Variants in TPTE2 observed in about 807,000 individuals in gnomAD.
TPTE2 encodes the protein phosphatidylinositol 3,4,5-trisphosphate 3-phosphatase TPTE2.
A neutral mutation model predicts 78.6 loss-of-function variants in TPTE2; 53 were observed. That is an observed-to-expected ratio of 0.67 (90% confidence interval 0.54 to 0.85). The LOEUF (loss-of-function observed/expected upper bound fraction) is 0.85, where lower values mean the gene tolerates loss of function less well. TPTE2 is among the 40% of genes least tolerant of loss of function. The pLI is 0.00. For synonymous variants in TPTE2, 175 were observed against 206.2 expected, an observed-to-expected ratio of 0.85 and a Z score of 1.30; for missense variants, 461 against 623.0, an observed-to-expected ratio of 0.74 and a Z score of 2.77.
At chr13:19,512,386 A>C (rs190013738) in intron 1 of TPTE2, among the ~76,000 whole-genome samples, 1 of 152,352 alleles carries the variant, frequency 6.6e-6, no homozygotes, top group African/African-American at 2.4e-5. Flanking sequence ...ATCTAAAAGT[A>C]GCTGTTAGAC....
intron 1 of TPTE2, among the ~76,000 whole-genome samples, chr13:19,511,537 A>G (rs1197005867): frequency 1.3e-5 from 2 of 152,160 alleles, no homozygotes; most frequent in Non-Finnish European, 2.9e-5. Flanking sequence ...GCCAATGGCA[A>G]TGAGCATACC....
rs182364234 is a variant in TPTE2, at chr13:19,467,054, A to C, written c.512+171T>G. Among the ~76,000 whole-genome samples, 457 of 152,106 alleles carry C rather than the reference A, an allele frequency of 3.0e-3. 3 individuals are homozygous for C. The highest frequency in any genetic ancestry group is 9.0e-3 in the African/African-American group (373 of 41,564). On this transcript the variant is annotated intron_variant, in intron 7 of 19. Coordinates refer to ENST00000400230, the Ensembl canonical transcript of TPTE2. ...TTCTTCACTGGTCCCTAAATATCAC[A>C]ATCTTTTAGTTTCAAAGTATGTGGG...
At chr13:19,448,016 G>GA (rs1488462235) in intron 13 of TPTE2, among the ~76,000 whole-genome samples, 10 of 152,096 alleles carry the variant, frequency 6.6e-5, no homozygotes, top group East Asian at 1.9e-4. Context: ...AGACAGCCCA[G>GA]AAAAAATCCA....
Position 19,482,370 on chromosome 13 carries a change from C to T in TPTE2, c.179+118G>A, listed in dbSNP as rs527960738. ...AAATACGGTGTACCCTCCCACCATA[C>T]ATTTTGATATCTTTCCATAGTTTCC... is the stretch of plus-strand genomic sequence containing the variant. On this transcript the variant is annotated intron_variant, in intron 4 of 19. Coordinates refer to ENST00000400230, the Ensembl canonical transcript of TPTE2. The T allele has an allele frequency of 6.3e-5, 74 of 1,176,480 alleles. 1 individual carries two copies. Among genetic ancestry groups the T allele is most frequent in the East Asian group, 1.3e-4 (5 of 37,864 alleles). 72.9% of individuals were successfully genotyped at this position (1,176,480 alleles called of 1,614,324 possible). A position where few individuals can be genotyped will look rare whatever the true frequency, so the allele number is the denominator to read the frequency against.
chr13:19,493,880 C>T (rs1950430746), intron 1 of TPTE2, among the ~76,000 whole-genome samples: 4 of 152,158 alleles, frequency 2.6e-5, no homozygotes, highest in Non-Finnish European at 5.9e-5. Context: ...CTTACATTCA[C>T]CCAGCATGGT....
intron 13 of TPTE2, among the ~76,000 whole-genome samples, chr13:19,448,798 T>C (rs369158994): frequency 6.6e-6 from 1 of 151,236 alleles, no homozygotes; most frequent in Non-Finnish European, 1.5e-5. Flanking sequence ...GATTTGGAGA[T>C]TCCACTTCTG....
chr13:19,546,261 A>G, the TPTE2 span, among the ~76,000 whole-genome samples: 201 of 152,150 alleles, frequency 1.3e-3, 2 homozygotes, highest in Non-Finnish European at 2.4e-3. Context: ...CCCAGCCCCT[A>G]TTGGGTTAGG....
At chr13:19,544,855 T>C in the TPTE2 span, among the ~76,000 whole-genome samples, 2 of 151,816 alleles carry the variant, frequency 1.3e-5, no homozygotes, top group Admixed American at 6.6e-5. Context: ...TAAACTGTGA[T>C]TGTGCTACTG....
the TPTE2 span, among the ~76,000 whole-genome samples, chr13:19,546,072 T>C: frequency 6.6e-6 from 1 of 152,104 alleles, no homozygotes; most frequent in Non-Finnish European, 1.5e-5. Flanking sequence ...CATGCACCTG[T>C]AGTCTTAGTA....
At chr13:19,500,995 T>C in intron 1 of TPTE2, among the ~76,000 whole-genome samples, 1 of 123,804 alleles carries the variant, frequency 8.1e-6, no homozygotes, top group Non-Finnish European at 1.7e-5. Context: ...CAAGCATTCT[T>C]ATACACCAAC....
chr13:19,485,329 T>C (rs992398507), intron 3 of TPTE2, among the ~76,000 whole-genome samples: 1 of 152,142 alleles, frequency 6.6e-6, no homozygotes, highest in Non-Finnish European at 1.5e-5. Flanking sequence ...CTGGGTATAA[T>C]ATTCTCAGCT....
intron 17 of TPTE2, among the ~76,000 whole-genome samples, chr13:19,427,459 T>C (rs1876217225): frequency 6.6e-6 from 1 of 152,200 alleles, no homozygotes; most frequent in South Asian, 2.1e-4. Flanking sequence ...TTAAATATTA[T>C]TATTTAATGT....
chr13:19,459,069 C>G (rs1367576623), intron 10 of TPTE2, among the ~76,000 whole-genome samples: 3 of 152,148 alleles, frequency 2.0e-5, no homozygotes, highest in Non-Finnish European at 4.4e-5. Context: ...TCTCCACAAC[C>G]TTCCCAGCAT....
intron 10 of TPTE2, among the ~76,000 whole-genome samples, chr13:19,454,787 T>C (rs1878437711): frequency 1.3e-5 from 2 of 152,226 alleles, no homozygotes; most frequent in African/African-American, 4.8e-5. Context: ...TTTGGCTTTT[T>C]AAAAACACCC....
At chr13:19,502,034 A>G (rs1868599754) in intron 1 of TPTE2, among the ~76,000 whole-genome samples, 1 of 121,232 alleles carries the variant, frequency 8.2e-6, no homozygotes, top group Non-Finnish European at 1.7e-5. Context: ...GCAGCCAAAA[A>G]ACACATGAAA....
exon 3 of TPTE2, chr13:19,492,860 T>C (rs1160973072): frequency 1.2e-6 from 2 of 1,613,940 alleles, no homozygotes; most frequent in Non-Finnish European, 1.7e-6. Context: ...CTTTTACTGA[T>C]AGGTGACACC....
At chr13:19,521,948 T>C (rs561296786) in intron 1 of TPTE2, among the ~76,000 whole-genome samples, 1 of 152,328 alleles carries the variant, frequency 6.6e-6, no homozygotes, top group East Asian at 1.9e-4. Context: ...AGTTACTACC[T>C]AGTATTCTTT....
intron 1 of TPTE2, among the ~76,000 whole-genome samples, chr13:19,518,734 T>C (rs1869958484): frequency 6.6e-6 from 1 of 152,178 alleles, no homozygotes; most frequent in Non-Finnish European, 1.5e-5. Flanking sequence ...CTCCAACATG[T>C]AGAGAACTTG....
chr13:19,511,679 G>C (rs1296884211), intron 1 of TPTE2, among the ~76,000 whole-genome samples: 2 of 152,122 alleles, frequency 1.3e-5, no homozygotes, highest in Admixed American at 6.5e-5. Context: ...CTTTTAGGGG[G>C]TCCCACTGGC....
Sources: gnomAD v4.1 joint callset for allele counts (sites outside exome capture counted in the v4.1 genomes callset) on GRCh38, gnomAD v4.1.1 for gene constraint, MANE v1.5 for transcripts, NCBI Gene and HGNC (gene_info 2026-07-23, HGNC 2026-07-21) for gene names.